Variants in WWOX observed in about 807,000 individuals in gnomAD.
WWOX encodes the protein WW domain containing oxidoreductase.
WWOX carries 69 observed loss-of-function variants against 46.2 expected under a neutral mutation model. The ratio of observed to expected loss-of-function variants is 1.49; its 90% CI spans 1.23 to 1.82. The LOEUF (loss-of-function observed/expected upper bound fraction) is 1.82, where lower values mean the gene tolerates loss of function less well. WWOX is among the 40% of genes most tolerant of loss of function. The pLI is 0.00. For synonymous variants in WWOX, 359 were observed against 202.6 expected (o/e 1.77, Z -6.56); for missense variants, 919 against 542.6 (o/e 1.69, Z -6.89).
chr16:78,758,444 A>G (rs1262735949), intron 8 of WWOX, among the ~76,000 whole-genome samples: 1 of 152,220 alleles, frequency 6.6e-6, no homozygotes, highest in African/African-American at 2.4e-5. Flanking sequence ...CACCTTAATC[A>G]TCCATAAATT....
At chr16:78,740,033 C>T (rs1273938533) in intron 8 of WWOX, among the ~76,000 whole-genome samples, 1 of 152,096 alleles carries the variant, frequency 6.6e-6, no homozygotes, top group East Asian at 1.9e-4. Flanking sequence ...CTGCTGTCAC[C>T]ACATTTGACC....
Position 78,113,382 on chromosome 16 carries a change from A to G in WWOX, c.231-1594A>G, listed in dbSNP as rs556597603. 8.9e-4 allele frequency among the ~76,000 whole-genome samples: 136 copies of G among 152,358 alleles called. 1 individual carries two copies. Among genetic ancestry groups the G allele is most frequent in the African/African-American group, 2.7e-3 (113 of 41,592 alleles). On this transcript the variant is annotated intron_variant, in intron 3 of 8. Transcript: ENST00000566780. ...TGCAGGGCATATGGTTTCTGTTGCA[A>G]TGATTCAACTCTGCCTTTGTAGTGC...
At chr16:78,306,872 A>T (rs925436500) in intron 5 of WWOX, among the ~76,000 whole-genome samples, 5 of 151,876 alleles carry the variant, frequency 3.3e-5, no homozygotes, top group African/African-American at 1.2e-4. Context: ...ACTCCTTCCC[A>T]CAATTCCCAG....
chr16:78,469,781 A>C (rs898112399), intron 8 of WWOX, among the ~76,000 whole-genome samples: 4 of 152,180 alleles, frequency 2.6e-5, no homozygotes, highest in African/African-American at 9.7e-5. Context: ...TTCCCTAAGA[A>C]GAGCTTCCTC....
chr16:78,646,725 A>G (rs541567267), intron 8 of WWOX, among the ~76,000 whole-genome samples: 1 of 152,300 alleles, frequency 6.6e-6, no homozygotes, highest in South Asian at 2.1e-4. Flanking sequence ...CCTGGCGTAT[A>G]TATTTTAAAT....
intron 8 of WWOX, among the ~76,000 whole-genome samples, chr16:78,930,483 G>A (rs1315000037): frequency 6.9e-6 from 1 of 144,460 alleles, no homozygotes; most frequent in South Asian, 2.3e-4. Flanking sequence ...TAGAGACGGG[G>A]TTTCACCATG....
intron 8 of WWOX, among the ~76,000 whole-genome samples, chr16:78,759,060 A>G (rs561207722): frequency 1.3e-4 from 20 of 152,242 alleles, no homozygotes; most frequent in South Asian, 6.2e-4. Context: ...TTGTGGGTCA[A>G]TATATTCCCA....
chr16:78,775,659 C>T (rs1207681923), intron 8 of WWOX, among the ~76,000 whole-genome samples: 3 of 152,154 alleles, frequency 2.0e-5, no homozygotes, highest in African/African-American at 4.8e-5. Context: ...ATAGATGGGA[C>T]AGGAGCCTTA....
rs9938151 is a variant in WWOX at position 79,041,824 on chromosome 16, A to C, written c.1057-169784A>C. Among the ~76,000 whole-genome samples the C allele has an allele frequency of 3.8e-3, 578 of 152,060 alleles. 3 individuals carry two copies. The highest frequency in any genetic ancestry group is 0.013 in the African/African-American group (547 of 41,472). On this transcript the variant is annotated intron_variant, in intron 8 of 8. Coordinates refer to ENST00000566780, the MANE Select transcript of WWOX (RefSeq NM_016373.4). ...TAGCTTCCTGGCAAAATTCAGACAA[A>C]CCTAGAAGGGATAATAACTTACATT...
rs1267199944 is a variant in WWOX at position 78,704,516 on chromosome 16, G to A, written c.1056+271764G>A. ...CTGACGGGCTGACATGAGCAACAAC[G>A]AGACTTAGTATCTGTTGCAGCTCTC... is the stretch of plus-strand genomic sequence containing the variant. On this transcript the variant is annotated intron_variant, in intron 8 of 8. Transcript: ENST00000566780. Among the ~76,000 whole-genome samples the A allele has an allele frequency of 2.0e-5, 3 of 152,110 alleles. No individual in the cohort carries two copies. The East Asian group carries it at 5.8e-4, about 29-fold the overall frequency.
intron 8 of WWOX, among the ~76,000 whole-genome samples, chr16:78,479,660 G>A (rs2084440585): frequency 1.3e-5 from 2 of 152,304 alleles, no homozygotes; most frequent in Admixed American, 6.5e-5. Flanking sequence ...TGATTGACAT[G>A]GAGGTTCATC....
intron 8 of WWOX, among the ~76,000 whole-genome samples, chr16:78,856,385 G>A (rs377049200): frequency 6.6e-6 from 1 of 152,218 alleles, no homozygotes; most frequent in Non-Finnish European, 1.5e-5. Flanking sequence ...GCTCACGCCT[G>A]TAATCGCAGC....
intron 6 of WWOX, among the ~76,000 whole-genome samples, chr16:78,390,592 G>A (rs1287482315): frequency 6.6e-6 from 1 of 152,176 alleles, no homozygotes; most frequent in Non-Finnish European, 1.5e-5. Flanking sequence ...ATAAAAAAGC[G>A]AGAGATTTTA....
At chr16:79,042,035 TCCACA>T (rs1437770714) in intron 8 of WWOX, among the ~76,000 whole-genome samples, 1 of 152,144 alleles carries the variant, frequency 6.6e-6, no homozygotes, top group Non-Finnish European at 1.5e-5. Flanking sequence ...CTCTTTATGT[TCCACA>T]AATTTTGGAG....
In WWOX at chr16:78,935,661, C is replaced by G. The variant is rs189606943; in HGVS notation, c.1057-275947C>G. On this transcript the variant is annotated intron_variant, in intron 8 of 8. Transcript: ENST00000566780. ...TAGGAGATATATCTAATGTAAATGA[C>G]GAGTTAATGGGTGCAGCACACCGAC... Among the ~76,000 whole-genome samples the G allele has an allele frequency of 2.0e-5, 3 of 151,844 alleles. No individual in the cohort carries two copies. The East Asian group carries it at 5.8e-4, about 30-fold the overall frequency.
chr16:78,312,303 T>G (rs191797346), intron 5 of WWOX, among the ~76,000 whole-genome samples: 11 of 152,268 alleles, frequency 7.2e-5, no homozygotes, highest in African/African-American at 1.2e-4. Context: ...AATTTTAGCT[T>G]CTTTCTCCGT....
chr16:78,208,619 T>C (rs1398549822), intron 5 of WWOX, among the ~76,000 whole-genome samples: 2 of 152,210 alleles, frequency 1.3e-5, no homozygotes, highest in African/African-American at 4.8e-5. Context: ...GTAATTGGGT[T>C]TTATAAATTT....
intron 8 of WWOX, among the ~76,000 whole-genome samples, chr16:78,729,641 C>G (rs1422180303): frequency 6.6e-6 from 1 of 152,134 alleles, no homozygotes; most frequent in Non-Finnish European, 1.5e-5. Flanking sequence ...GTCCTGCTAA[C>G]TCTTAATTTG....
Position 78,305,600 on chromosome 16 carries a change from G to A in WWOX, c.517-81260G>A, listed in dbSNP as rs74508104. Among the ~76,000 whole-genome samples the A allele has an allele frequency of 2.3e-4, 35 of 151,892 alleles. No individual in the cohort carries two copies. In the East Asian group the frequency reaches 3.5e-3, roughly 15 times the overall value. ...AGTCATCTTGAAACTGAGCAAGACC[G>A]TGTCATCCATGGAGCTTGAACATAG... On this transcript the variant is annotated intron_variant, in intron 5 of 8. Coordinates refer to ENST00000566780, the MANE Select transcript of WWOX (RefSeq NM_016373.4).
Sources: gnomAD v4.1 joint callset for allele counts (sites outside exome capture counted in the v4.1 genomes callset) on GRCh38, gnomAD v4.1.1 for gene constraint, MANE v1.5 for transcripts, NCBI Gene and HGNC (gene_info 2026-07-23, HGNC 2026-07-21) for gene names.